NARS1: variants seen among roughly 807,000 people sequenced by gnomAD.
The protein encoded by NARS1 is asparagine--tRNA ligase, cytoplasmic.
Under a neutral mutation model 79.2 loss-of-function variants are expected in NARS1, and 65 were observed. The observed-to-expected ratio is 0.82, with a 90% CI of 0.67 to 1.01. NARS1 has a LOEUF of 1.01. Among genes scored for constraint, NARS1 ranks in the 50% least tolerant of loss-of-function variants. The pLI, the probability that NARS1 is intolerant of heterozygous loss-of-function variation, is 0.00. For synonymous variants in NARS1, 229 were observed against 238.8 expected, an observed-to-expected ratio of 0.96 and a Z score of 0.38; for missense variants, 649 against 673.8, an observed-to-expected ratio of 0.96 and a Z score of 0.41.
chr18:57,609,353 T>A lies in NARS1; in HGVS notation c.579+4A>T. ...TCACCCAGTGCGAAACTCAATCCAC[T>A]CACCTGCTTGCCCTTTGGGGTAAGA... On this transcript the variant is annotated splice_donor_region_variant and intron_variant, in intron 7 of 13. Coordinates refer to ENST00000256854, the MANE Select transcript of NARS1 (RefSeq NM_004539.4). The A allele has an allele frequency of 6.2e-7, 1 of 1,610,910 alleles. No homozygotes were observed. The highest frequency in any genetic ancestry group is 8.5e-7 in the Non-Finnish European group (1 of 1,177,670).
chr18:57,617,550 T>C (rs1461123108), intron 2 of NARS1, among the ~76,000 whole-genome samples: 76 of 117,588 alleles, frequency 6.5e-4, no homozygotes, highest in African/African-American at 2.6e-3. Flanking sequence ...CCAGCCTGGG[T>C]GACAAGAGCA....
At chr18:57,615,030 AG>A (rs2051636394) in intron 4 of NARS1, among the ~76,000 whole-genome samples, 1 of 151,920 alleles carries the variant, frequency 6.6e-6, no homozygotes, top group Non-Finnish European at 1.5e-5. Context: ...AATAAATAAA[AG>A]TTAGCCAGGT....
intron 4 of NARS1, among the ~76,000 whole-genome samples, chr18:57,615,325 AC>A (rs1156556944): frequency 1.3e-5 from 2 of 151,902 alleles, no homozygotes; most frequent in Non-Finnish European, 2.9e-5. Context: ...ACACGGTGAA[AC>A]CCCGTCTCTA....
chr18:57,606,645 CAGGTGACTTCAATA>C lies in NARS1; in HGVS notation c.1094_1107del (p.Ile365SerfsTer7). On this transcript the variant is annotated frameshift_variant, in exon 10 of 14. Transcript: ENST00000256854. LOFTEE classifies it high-confidence loss of function. ...TTGAGCTCATGCACTATGCTCCCTG[CAGGTGACTTCAATA>C]TTCGATCTACCACATCACAAACCAA... 1 of 1,614,132 alleles carries C rather than the reference CAGGTGACTTCAATA, an allele frequency of 6.2e-7. No individual in the cohort carries two copies.
chr18:57,619,939 C>T (rs1908232509), intron 2 of NARS1, among the ~76,000 whole-genome samples: 1 of 152,158 alleles, frequency 6.6e-6, no homozygotes, highest in South Asian at 2.1e-4. Flanking sequence ...CCACCTGCCC[C>T]GGCCTCCCAA....
intron 1 of NARS1, among the ~76,000 whole-genome samples, chr18:57,621,254 CTTTTTT>C (rs548152796): frequency 7.2e-6 from 1 of 139,356 alleles, no homozygotes; most frequent in Non-Finnish European, 1.6e-5. Context: ...AGGTCTCTCT[CTTTTTT>C]TTTTTTTTTT....
chr18:57,616,774 G>A (rs1908046052), intron 2 of NARS1, among the ~76,000 whole-genome samples: 1 of 146,772 alleles, frequency 6.8e-6, no homozygotes, highest in African/African-American at 2.7e-5. Context: ...GGGCCGAGGA[G>A]GGAGGATCAC....
At chr18:57,604,580 G>A (rs1022235157) in intron 11 of NARS1, among the ~76,000 whole-genome samples, 25 of 152,212 alleles carry the variant, frequency 1.6e-4, no homozygotes, top group African/African-American at 5.8e-4. Flanking sequence ...GCACAGGAAA[G>A]AGGGCCTAGC....
Position 57,611,349 on chromosome 18 carries a change from AGC to A in NARS1, c.492+286_492+287del, listed in dbSNP as rs369090963. Among the ~76,000 whole-genome samples the A allele has an allele frequency of 3.4e-3, 525 of 152,268 alleles. 2 individuals carry two copies. Among genetic ancestry groups the A allele is most frequent in the African/African-American group, 0.012 (498 of 41,534 alleles). On this transcript the variant is annotated intron_variant, in intron 6 of 13. Coordinates refer to ENST00000256854, the MANE Select transcript of NARS1 (RefSeq NM_004539.4). ...TGAGGGGCAGTATCATACCAGGATTAGCCATATATAGGTGGTTACAGAAGCTG... is the reference window on the plus strand; with the variant it reads ...TGAGGGGCAGTATCATACCAGGATTACATATATAGGTGGTTACAGAAGCTG...
At chr18:57,608,286 T>C (rs571369911) in intron 7 of NARS1, among the ~76,000 whole-genome samples, 2 of 151,856 alleles carry the variant, frequency 1.3e-5, no homozygotes, top group South Asian at 4.2e-4. Context: ...CCATCTCTAC[T>C]AAAAATACAA....
Position 57,606,742 on chromosome 18 carries a change from G to GT in NARS1, c.1010dup (p.His337GlnfsTer5), listed in dbSNP as rs1394315184. On this transcript the variant is annotated frameshift_variant, in exon 10 of 14. Transcript: ENST00000256854. LOFTEE classifies it high-confidence loss of function. ...TCAGGAAAGGACACTCAGCTTCCAC[G>GT]TGAGTGTACCTGAAGAACGAGACAA... 1.9e-6 allele frequency: 3 copies of GT among 1,614,134 alleles called. No homozygotes were observed. Among genetic ancestry groups the GT allele is most frequent in the Non-Finnish European group, 2.5e-6 (3 of 1,180,000 alleles).
rs777961818 is a variant in NARS1 at position 57,611,674 on chromosome 18, C to G, written c.455G>C (p.Gly152Ala). 8.8e-6 allele frequency: 14 copies of G among 1,597,880 alleles called. No individual in the cohort carries two copies. In the East Asian group the frequency reaches 2.9e-4, roughly 34 times the overall value. ...KNLMFLVLRD[G>A]TGYLQCVLAD... ...CAAGACACACTGAAGATAACCTGTA[C>G]CATCTCGCAACACCAGAAACATTAA... Residue 152 changes from glycine to alanine, a missense_variant, in exon 6 of 14, where the codon GGT becomes GCT. Coordinates refer to ENST00000256854, the MANE Select transcript of NARS1 (RefSeq NM_004539.4).
Position 57,606,643 on chromosome 18 carries a change from T to G in NARS1, c.1110A>C (p.Ala370=). Residue 370 remains alanine (A), a synonymous_variant, in exon 10 of 14, where the codon GCA becomes GCC. Coordinates refer to ENST00000256854, the MANE Select transcript of NARS1 (RefSeq NM_004539.4). ...GGTTGAGCTCATGCACTATGCTCCC[T>G]GCAGGTGACTTCAATATTCGATCTA... ...DVVDRILKSP[A]GSIVHELNPN... is the part of the protein sequence containing the mutation. 1 of 1,614,186 alleles carries G rather than the reference T, an allele frequency of 6.2e-7. No individual in the cohort carries two copies. The highest frequency in any genetic ancestry group is 1.1e-5 in the South Asian group (1 of 91,088).
chr18:57,620,757 A>G (rs1908265847), intron 1 of NARS1, 106 bp from the exon 2 acceptor site: 1 of 612,346 alleles, frequency 1.6e-6, no homozygotes, highest in Non-Finnish European at 2.8e-6. Flanking sequence ...ATCGATTAAT[A>G]AAAATTGAGG....
At chr18:57,613,558 G>A (rs1015717055) in intron 5 of NARS1, 44 bp downstream of exon 5, 17 of 1,489,010 alleles carry the variant, frequency 1.1e-5, no homozygotes, top group South Asian at 2.4e-5. Context: ...TCTAAGAGCA[G>A]GGATATTTAA....
chr18:57,612,986 G>A (rs1001565590), intron 5 of NARS1, among the ~76,000 whole-genome samples: 7 of 151,980 alleles, frequency 4.6e-5, no homozygotes, highest in Non-Finnish European at 8.8e-5. Context: ...AATATTTACT[G>A]GACGCATCTT....
intron 13 of NARS1, 35 bp downstream of exon 13, chr18:57,602,319 GA>G (rs2122417592): frequency 2.5e-6 from 4 of 1,599,024 alleles, no homozygotes; most frequent in Admixed American, 3.5e-5. Flanking sequence ...GATTACAGTG[GA>G]AAAAAATGTT....
chr18:57,601,652 T>C lies in NARS1; in HGVS notation c.1647A>G (p.Ter549=). 6.2e-7 allele frequency: 1 copy of C among 1,613,728 alleles called. No homozygotes were observed. Among genetic ancestry groups the C allele is most frequent in the East Asian group, 2.2e-5 (1 of 44,882 alleles). The part of the protein sequence containing the change: ...YPRFVQRCTP[*] Reference sequence around the variant, plus strand: ...TCCTCCACGCTTCTGGAGAAAATGGTTATGGCGTGCAACGCTGGACAAATC... The same window carrying C: ...TCCTCCACGCTTCTGGAGAAAATGGCTATGGCGTGCAACGCTGGACAAATC... The change falls in exon 14 of 14, where the codon TAA becomes TAG. Residue 549 remains the stop codon, a stop_retained_variant. Transcript: ENST00000256854.
chr18:57,609,494 T>A (rs2051588032), intron 6 of NARS1, 51 bp from the exon 7 acceptor site: 1 of 1,467,080 alleles, frequency 6.8e-7, no homozygotes, highest in Non-Finnish European at 9.5e-7. Context: ...ATTTAAAAAT[T>A]CTACCATATA....
Sources: allele counts gnomAD v4.1 joint callset (sites outside exome capture counted in the v4.1 genomes callset), GRCh38; gene constraint gnomAD v4.1.1; transcripts MANE v1.5; gene names NCBI Gene and HGNC (gene_info 2026-07-23, HGNC 2026-07-21).